The following PTPRN2 variants were observed in gnomAD, a reference collection of about 807,000 sequenced individuals.
PTPRN2 encodes receptor-type tyrosine-protein phosphatase N2.
Under a neutral mutation model 118.8 loss-of-function variants are expected in PTPRN2, and 74 were observed. That is an observed-to-expected ratio of 0.62 (90% confidence interval 0.52 to 0.76). PTPRN2 has a LOEUF of 0.76. Ranked by LOEUF, PTPRN2 falls within the 30% of genes least tolerant of loss-of-function variation. The probability of loss-of-function intolerance (pLI) is 0.00; values close to 1 mark genes in which losing one functional copy is unlikely to be tolerated. For synonymous variants in PTPRN2, 641 were observed against 608.0 expected (o/e 1.05, Z -0.80); for missense variants, 1,481 against 1,394.4 (o/e 1.06, Z -0.99).
At chr7:157,759,106 G>A (rs1585396033) in intron 12 of PTPRN2, among the ~76,000 whole-genome samples, 1 of 152,214 alleles carries the variant, frequency 6.6e-6, no homozygotes, top group East Asian at 1.9e-4. Context: ...CATGTCCTGT[G>A]AAGCCCTTCA....
chr7:157,954,218 T>C (rs888913611), intron 11 of PTPRN2, among the ~76,000 whole-genome samples: 1 of 48,450 alleles, frequency 2.1e-5, no homozygotes, highest in Non-Finnish European at 4.7e-5. Context: ...GTGTAGTCTC[T>C]GCATGTGTGT....
At chr7:158,200,076 T>A (rs1041730361) in intron 4 of PTPRN2, among the ~76,000 whole-genome samples, 1 of 151,276 alleles carries the variant, frequency 6.6e-6, no homozygotes, top group Non-Finnish European at 1.5e-5. Context: ...ACAATCCACA[T>A]ATGAGAAGAA....
chr7:157,714,044 G>C (rs1798782048), intron 12 of PTPRN2, among the ~76,000 whole-genome samples: 1 of 152,216 alleles, frequency 6.6e-6, no homozygotes, highest in African/African-American at 2.4e-5. Flanking sequence ...CACATTTTGA[G>C]GTGTGTAAAG....
At chr7:158,487,492 T>C (rs1821111646) in intron 2 of PTPRN2, among the ~76,000 whole-genome samples, 1 of 152,202 alleles carries the variant, frequency 6.6e-6, no homozygotes, top group Non-Finnish European at 1.5e-5. Context: ...GGTATGTTTA[T>C]CTTTTGACTT....
chr7:157,589,787 A>G (rs1043815108), intron 17 of PTPRN2, among the ~76,000 whole-genome samples: 2 of 152,230 alleles, frequency 1.3e-5, no homozygotes, highest in Non-Finnish European at 2.9e-5. Flanking sequence ...TAAAAAGAAA[A>G]TTAGGATTTT....
chr7:158,191,738 G>C (rs1374487990), intron 5 of PTPRN2, among the ~76,000 whole-genome samples: 3 of 152,114 alleles, frequency 2.0e-5, no homozygotes, highest in African/African-American at 7.2e-5. Context: ...AACACTCCTG[G>C]GGTTCGCCTC....
chr7:158,412,249 TC>T (rs1814184375), intron 2 of PTPRN2, among the ~76,000 whole-genome samples: 1 of 54,276 alleles, frequency 1.8e-5, no homozygotes, highest in Non-Finnish European at 3.4e-5. Flanking sequence ...AGGGCCCATC[TC>T]AGCACCCTCC....
At chr7:157,888,826 G>A (rs1796634596) in intron 12 of PTPRN2, among the ~76,000 whole-genome samples, 1 of 152,080 alleles carries the variant, frequency 6.6e-6, no homozygotes, top group African/African-American at 2.4e-5. Context: ...CTTTCCTTTG[G>A]TTACATATTT....
At chr7:158,424,464 G>T (rs940019420) in intron 2 of PTPRN2, among the ~76,000 whole-genome samples, 3 of 152,050 alleles carry the variant, frequency 2.0e-5, no homozygotes, top group Non-Finnish European at 2.9e-5. Context: ...CAGGGACAAC[G>T]TCTGTGACCA....
intron 12 of PTPRN2, among the ~76,000 whole-genome samples, chr7:157,744,452 C>T (rs539370379): frequency 4.0e-4 from 61 of 152,316 alleles, no homozygotes; most frequent in South Asian, 3.3e-3. Context: ...CATTACACAA[C>T]GATGGAATCT....
chr7:158,481,257 C>T (rs1820621035), intron 2 of PTPRN2, among the ~76,000 whole-genome samples: 1 of 152,236 alleles, frequency 6.6e-6, no homozygotes, highest in Admixed American at 6.5e-5. Context: ...CATCTGTTTA[C>T]AGCATGGTTT....
intron 11 of PTPRN2, among the ~76,000 whole-genome samples, chr7:158,071,352 G>A (rs1440676812): frequency 2.7e-5 from 3 of 109,692 alleles, no homozygotes; most frequent in Non-Finnish European, 5.7e-5. Context: ...GGTGCTCGTG[G>A]TGGTGGAGGT....
In PTPRN2 at chr7:158,360,111, A is replaced by G. The variant is rs867866048; in HGVS notation, c.164-43179T>C. Among the ~76,000 whole-genome samples the G allele has an allele frequency of 2.4e-3, 202 of 82,902 alleles. 16 individuals carry two copies. The highest frequency in any genetic ancestry group is 7.9e-3 in the African/African-American group (153 of 19,386). 54.4% of individuals were successfully genotyped at this position (82,902 alleles called of 152,430 possible). ...ACCCAGGATGACGCACAGACCCCAC[A>G]TCCACCCTCACCCAGGACGACGCAC... On this transcript the variant is annotated intron_variant, in intron 2 of 22. Coordinates refer to ENST00000389418, the MANE Select transcript of PTPRN2 (RefSeq NM_002847.5).
intron 12 of PTPRN2, among the ~76,000 whole-genome samples, chr7:157,852,881 A>AAAT (rs386411814): frequency 6.6e-6 from 1 of 151,852 alleles, no homozygotes; most frequent in Non-Finnish European, 1.5e-5. Flanking sequence ...AAAAAAAAAA[A>AAAT]AATACTAGCA....
intron 11 of PTPRN2, among the ~76,000 whole-genome samples, chr7:157,902,791 C>T (rs1797548089): frequency 6.6e-6 from 1 of 152,174 alleles, no homozygotes; most frequent in African/African-American, 2.4e-5. Context: ...GATTCCAAAG[C>T]ACGTGCTGTG....
intron 13 of PTPRN2, among the ~76,000 whole-genome samples, chr7:157,679,708 G>A (rs1796828592): frequency 6.6e-6 from 1 of 150,760 alleles, no homozygotes; most frequent in Non-Finnish European, 1.5e-5. Flanking sequence ...ACACACAGGG[G>A]TCGGGGCTGG....
chr7:157,818,332 A>C (rs1806569619), intron 12 of PTPRN2, among the ~76,000 whole-genome samples: 1 of 152,092 alleles, frequency 6.6e-6, no homozygotes, highest in Non-Finnish European at 1.5e-5. Context: ...AGCAGCAGAG[A>C]AACAGATGGG....
rs1300346033 is a variant in PTPRN2, at chr7:157,690,897, C to G, written c.1789-7960G>C. 2.7e-5 allele frequency among the ~76,000 whole-genome samples: 4 copies of G among 145,828 alleles called. No individual in the cohort carries two copies. The highest frequency in any genetic ancestry group is 9.8e-5 in the African/African-American group (4 of 40,676). On this transcript the variant is annotated intron_variant, in intron 12 of 22. Transcript: ENST00000389418. The surrounding 1 kb of genome is among the most constrained non-coding windows in gnomAD (Gnocchi z 7.1). ...CCGGGCTAGGCACGCTGGGCCGGGG[C>G]GCGGCGCGGGCGGGCTCAGGGCGGG... is the stretch of plus-strand genomic sequence containing the variant.
chr7:158,178,550 G>A (rs1824413517), intron 5 of PTPRN2, among the ~76,000 whole-genome samples: 1 of 144,212 alleles, frequency 6.9e-6, no homozygotes, highest in Non-Finnish European at 1.5e-5. Flanking sequence ...TCGTGGCTGA[G>A]TAGTATTCCA....
Sources: allele counts gnomAD v4.1 joint callset (sites outside exome capture counted in the v4.1 genomes callset), GRCh38; gene constraint gnomAD v4.1.1; non-coding constraint Gnocchi (gnomAD v3.1); transcripts MANE v1.5; gene names NCBI Gene and HGNC (gene_info 2026-07-23, HGNC 2026-07-21).